Variants in KAZN observed in about 807,000 individuals in gnomAD.
KAZN encodes kazrin.
In KAZN, 40 loss-of-function variants were observed where a neutral mutation model predicts 87.4. That is an observed-to-expected ratio of 0.46 (90% CI 0.36 to 0.60). KAZN has a LOEUF of 0.60. KAZN is among the 20% of genes least tolerant of loss of function. The pLI, the probability that KAZN is intolerant of heterozygous loss-of-function variation, is 0.00. For missense variants in KAZN, 898 were observed against 1,073.9 expected (o/e 0.84, Z 2.29); for synonymous variants, 466 against 458.3 (o/e 1.02, Z -0.22).
chr1:14,385,960 A>T (rs1472977252), intron 2 of KAZN, among the ~76,000 whole-genome samples: 1 of 151,116 alleles, frequency 6.6e-6, no homozygotes, highest in African/African-American at 2.4e-5. Context: ...GTCTCTTTGT[A>T]GGTCACTCAG....
intron 1 of KAZN, among the ~76,000 whole-genome samples, chr1:14,160,916 C>T (rs773583350): frequency 2.0e-5 from 3 of 152,128 alleles, no homozygotes; most frequent in Non-Finnish European, 2.9e-5. Context: ...GGAAATAATT[C>T]GTTGCTGATA....
At position 14,695,646 on chromosome 1, in the gene KAZN, C is replaced by T. The variant is rs144869323; in HGVS notation, c.226+96423C>T. ...TCAGCCTCTCGAGTAGCTGGGATTA[C>T]AGGTGTGCACCACCATGCCTAGCTA... On this transcript the variant is annotated intron_variant, in intron 1 of 14. Transcript: ENST00000376030. Among the ~76,000 whole-genome samples the T allele has an allele frequency of 3.1e-3, 473 of 151,864 alleles. 14 individuals are homozygous for T. In the South Asian group the frequency reaches 0.042, roughly 14 times the overall value.
At chr1:14,598,456 G>A (rs1352081905), upstream of KAZN, among the ~76,000 whole-genome samples, 1 of 152,138 alleles carries the variant, frequency 6.6e-6, no homozygotes, top group African/African-American at 2.4e-5. This position sits in a 1 kb window ranked among gnomAD's most constrained non-coding sequence, Gnocchi z 4.2. Context: ...GCTCAAGGGA[G>A]GGGACAGAGG....
Position 15,066,093 on chromosome 1 carries a change from T to C in KAZN, c.1222+340T>C. ...TGTGTTGTTAATCTGGTTTATTATT[T>C]TTCTTCAGTGTTTGGTTTTTCTTTT... is the stretch of plus-strand genomic sequence containing the variant. On this transcript the variant is annotated intron_variant, in intron 8 of 14. Transcript: ENST00000376030. This position sits in a 1 kb window ranked among gnomAD's most constrained non-coding sequence, Gnocchi z 4.3. The C allele has an allele frequency of 8.7e-7, 1 of 1,144,992 alleles. No individual in the cohort carries two copies. Among genetic ancestry groups the C allele is most frequent in the Non-Finnish European group, 1.1e-6 (1 of 932,630 alleles). 70.9% of individuals were successfully genotyped at this position (1,144,992 alleles called of 1,614,324 possible).
exon 1 of KAZN, chr1:13,893,611 A>C: frequency 6.5e-7 from 1 of 1,533,976 alleles, no homozygotes; most frequent in Non-Finnish European, 8.8e-7. Flanking sequence ...TTGCTCTGAC[A>C]CTCCAAGGGT....
At chr1:14,536,068 G>A (rs1289412331) in intron 2 of KAZN, among the ~76,000 whole-genome samples, 1 of 152,228 alleles carries the variant, frequency 6.6e-6, no homozygotes, top group Non-Finnish European at 1.5e-5. Flanking sequence ...GGCATCAGCT[G>A]TACAGGGCCT....
intron 1 of KAZN, among the ~76,000 whole-genome samples, chr1:14,000,981 A>G (rs1639763063): frequency 6.6e-6 from 1 of 151,374 alleles, no homozygotes. Flanking sequence ...ACGGGGTTTC[A>G]CCGTTTTAGC....
chr1:14,384,615 CATTT>C (rs1227010191), intron 2 of KAZN, among the ~76,000 whole-genome samples: 2 of 152,132 alleles, frequency 1.3e-5, no homozygotes, highest in African/African-American at 2.4e-5. Flanking sequence ...TGCTGGATTA[CATTT>C]ATTGATTTAG....
intron 1 of KAZN, among the ~76,000 whole-genome samples, chr1:14,636,749 C>T (rs568153970): frequency 6.6e-6 from 1 of 152,164 alleles, no homozygotes; most frequent in Non-Finnish European, 1.5e-5. Flanking sequence ...CCTGGCTTTA[C>T]GGCTAATCAT....
At chr1:14,700,168 T>A (rs1467225695) in intron 1 of KAZN, among the ~76,000 whole-genome samples, 3 of 152,272 alleles carry the variant, frequency 2.0e-5, no homozygotes, top group African/African-American at 7.2e-5. Flanking sequence ...TGGCAATGCC[T>A]GTGTACTAGG....
rs561983051 is a variant in KAZN at position 14,311,278 on chromosome 1, T to G, written c.249+130686T>G. 2.6e-5 allele frequency among the ~76,000 whole-genome samples: 4 copies of G among 152,174 alleles called. No homozygotes were observed. The East Asian group carries it at 7.7e-4, about 29-fold the overall frequency. ...CTTATTAGCTATGAGATATTGAACC[T>G]GACCTCTTTATGTCTTGGCTTCCTT... is the stretch of plus-strand genomic sequence containing the variant. On this transcript the variant is annotated intron_variant, in intron 2 of 16. Coordinates refer to the KAZN transcript ENST00000636203.
intron 1 of KAZN, among the ~76,000 whole-genome samples, chr1:14,958,311 G>A (rs562338900): frequency 6.6e-6 from 1 of 151,862 alleles, no homozygotes; most frequent in East Asian, 1.9e-4. Context: ...GGTACATGGA[G>A]CATTTCCTGT....
intron 1 of KAZN, among the ~76,000 whole-genome samples, chr1:14,063,423 T>C (rs1642873579): frequency 6.6e-6 from 1 of 152,174 alleles, no homozygotes; most frequent in African/African-American, 2.4e-5. Flanking sequence ...TCTCCATTTA[T>C]TCAAAATGGA....
intron 2 of KAZN, among the ~76,000 whole-genome samples, chr1:14,977,215 T>C (rs1266594956): frequency 1.3e-5 from 2 of 152,198 alleles, no homozygotes; most frequent in Non-Finnish European, 2.9e-5. Context: ...ACGGTGTCTG[T>C]CTCTGTCCTT....
At chr1:14,369,154 C>A (rs1055854845) in intron 2 of KAZN, among the ~76,000 whole-genome samples, 1 of 152,176 alleles carries the variant, frequency 6.6e-6, no homozygotes, top group African/African-American at 2.4e-5. Flanking sequence ...AGACACATTT[C>A]TAAATGCAAA....
chr1:14,787,071 G>A (rs1292619450), intron 1 of KAZN, among the ~76,000 whole-genome samples: 1 of 152,096 alleles, frequency 6.6e-6, no homozygotes, highest in East Asian at 1.9e-4. Flanking sequence ...GGATTTCTTG[G>A]TTTTCTTCCT....
At chr1:14,352,974 T>G (rs1658673412) in intron 2 of KAZN, among the ~76,000 whole-genome samples, 1 of 152,184 alleles carries the variant, frequency 6.6e-6, no homozygotes, top group Admixed American at 6.5e-5. Context: ...TTTAGACCCA[T>G]TCATGATTTT....
chr1:14,649,398 C>A (rs1299339595), intron 1 of KAZN, among the ~76,000 whole-genome samples: 1 of 152,124 alleles, frequency 6.6e-6, no homozygotes, highest in Admixed American at 6.6e-5. Flanking sequence ...AGCAGGTAAC[C>A]AGTAGAGGTG....
intron 1 of KAZN, among the ~76,000 whole-genome samples, chr1:14,614,808 A>G (rs1290548140): frequency 6.6e-6 from 1 of 152,228 alleles, no homozygotes; most frequent in Non-Finnish European, 1.5e-5. Flanking sequence ...GTTTGAACAA[A>G]CTAAGATGCT....
Sources: allele counts gnomAD v4.1 joint callset (sites outside exome capture counted in the v4.1 genomes callset), GRCh38; gene constraint gnomAD v4.1.1; non-coding constraint Gnocchi (gnomAD v3.1); transcripts MANE v1.5; gene names NCBI Gene and HGNC (gene_info 2026-07-23, HGNC 2026-07-21).